CLIP2: variants seen among roughly 807,000 people sequenced by gnomAD.
The protein encoded by CLIP2 is CAP-Gly domain-containing linker protein 2.
Under a neutral mutation model 111.7 loss-of-function variants are expected in CLIP2, and 41 were observed. The ratio of observed to expected loss-of-function variants is 0.37; its 90% confidence interval spans 0.29 to 0.48. CLIP2 has a LOEUF of 0.48. CLIP2 is among the 20% of genes least tolerant of loss of function. The pLI, the probability that CLIP2 is intolerant of heterozygous loss-of-function variation, is 0.99. For synonymous variants in CLIP2, 660 were observed against 644.2 expected (o/e 1.02, Z -0.37); for missense variants, 1,160 against 1,422.1 (o/e 0.82, Z 2.96).
chr7:74,324,432 G>T (rs779122537), intron 2 of CLIP2, among the ~76,000 whole-genome samples: 5 of 152,236 alleles, frequency 3.3e-5, no homozygotes, highest in African/African-American at 2.4e-5. Flanking sequence ...CTGTAGTGTG[G>T]TGTGTGGCGT....
At chr7:74,356,358 T>C in intron 4 of CLIP2, 52 bp from the exon 5 acceptor site, 1 of 1,495,120 alleles carries the variant, frequency 6.7e-7, no homozygotes, top group Non-Finnish European at 9.3e-7. Context: ...CAGGGGAGGC[T>C]CTCCAGGCTT....
At chr7:74,328,586 A>T (rs1401406913) in intron 2 of CLIP2, among the ~76,000 whole-genome samples, 1 of 152,020 alleles carries the variant, frequency 6.6e-6, no homozygotes, top group Non-Finnish European at 1.5e-5. Flanking sequence ...AGAGAGACAC[A>T]GTGGGCCCCT....
chr7:74,351,517 G>A (rs1554307566), intron 3 of CLIP2, among the ~76,000 whole-genome samples: 1 of 151,320 alleles, frequency 6.6e-6, no homozygotes, highest in Admixed American at 6.6e-5. Context: ...TTAGAAAGCT[G>A]TGGGAAGATG....
At chr7:74,342,884 A>C (rs1335588008) in intron 3 of CLIP2, among the ~76,000 whole-genome samples, 1 of 151,904 alleles carries the variant, frequency 6.6e-6, no homozygotes, top group Non-Finnish European at 1.5e-5. Context: ...AAATACAAAA[A>C]ATTAGCCGGG....
At position 74,338,431 on chromosome 7, in the gene CLIP2, C is replaced by G; in HGVS notation, c.122-17C>G. On this transcript the variant is annotated splice_polypyrimidine_tract_variant and intron_variant, in intron 2 of 16. Transcript: ENST00000223398. This position sits in a 1 kb window ranked among gnomAD's most constrained non-coding sequence, Gnocchi z 4.3. The stretch of plus-strand genomic sequence containing the variant: ...CCTAACAGCCACCTCTTTCCCTTTC[C>G]CTCTCCTTCTCTGCAGGCTCCCCAC... The G allele has an allele frequency of 6.2e-7, 1 of 1,610,312 alleles. No individual in the cohort carries two copies. The highest frequency in any genetic ancestry group is 8.5e-7 in the Non-Finnish European group (1 of 1,178,988).
At chr7:74,399,542 T>TTTG (rs1491240525) in intron 14 of CLIP2, among the ~76,000 whole-genome samples, 4 of 44,548 alleles carry the variant, frequency 9.0e-5, no homozygotes, top group African/African-American at 2.6e-4. Flanking sequence ...AGTCTTTTTT[T>TTTG]GGGGGGGGGG....
chr7:74,346,513 A>G (rs1485207637), intron 3 of CLIP2, among the ~76,000 whole-genome samples: 2 of 151,814 alleles, frequency 1.3e-5, no homozygotes, highest in African/African-American at 4.8e-5. Flanking sequence ...ACTTGAGGCC[A>G]GGAGTTCAAG....
intron 1 of CLIP2, among the ~76,000 whole-genome samples, chr7:74,292,300 A>T (rs1220554334): frequency 6.6e-6 from 1 of 152,022 alleles, no homozygotes; most frequent in African/African-American, 2.4e-5. Context: ...TGACCCTCAG[A>T]TTCCCTGCTC....
chr7:74,323,447 A>C (rs1287570843), intron 2 of CLIP2, among the ~76,000 whole-genome samples: 2 of 142,070 alleles, frequency 1.4e-5, no homozygotes, highest in African/African-American at 5.3e-5. Flanking sequence ...TTCTTTTTTG[A>C]GATAGAGTTT....
At chr7:74,394,928 T>C (rs1448026628) in intron 13 of CLIP2, among the ~76,000 whole-genome samples, 4 of 152,194 alleles carry the variant, frequency 2.6e-5, no homozygotes, top group African/African-American at 9.6e-5. Context: ...CTTTCTGCCC[T>C]GTCTCAGCCA....
At chr7:74,375,485 A>G (rs1380260198) in intron 9 of CLIP2, among the ~76,000 whole-genome samples, 2 of 134,190 alleles carry the variant, frequency 1.5e-5, no homozygotes, top group Non-Finnish European at 3.1e-5. Flanking sequence ...CCTGGGAAGT[A>G]GAGGTTGCAG....
At chr7:74,384,737 C>T (rs1490397209) in intron 11 of CLIP2, among the ~76,000 whole-genome samples, 4 of 151,954 alleles carry the variant, frequency 2.6e-5, no homozygotes, top group African/African-American at 7.2e-5. Context: ...TGAGCCACCG[C>T]GCCTGGCCTC....
intron 13 of CLIP2, among the ~76,000 whole-genome samples, chr7:74,390,193 G>T (rs1791242457): frequency 1.0e-5 from 1 of 98,632 alleles, no homozygotes; most frequent in African/African-American, 3.7e-5. Context: ...AAGAAAGAAA[G>T]AAAGAAAGAA....
At chr7:74,311,571 G>A (rs1174635092) in intron 1 of CLIP2, among the ~76,000 whole-genome samples, 2 of 152,044 alleles carry the variant, frequency 1.3e-5, no homozygotes, top group Non-Finnish European at 2.9e-5. Context: ...TTTTTAATTG[G>A]GTTGTTGTCT....
intron 8 of CLIP2, chr7:74,364,994 TGTGTGTGTGTGTGTGTGTGTGTGTG>T: frequency 1.8e-4 from 1 of 5,620 alleles, no homozygotes; most frequent in African/African-American, 1.3e-3. Context: ...TGTTTTTTGT[TGTGTGTGTGTGTGTGTGTGTGTGTG>T]TGTGTGTGTG....
intron 1 of CLIP2, among the ~76,000 whole-genome samples, chr7:74,307,576 C>T (rs1208318750): frequency 3.9e-5 from 6 of 152,280 alleles, no homozygotes; most frequent in East Asian, 3.9e-4. Flanking sequence ...CCACAACCTC[C>T]GCCTCCTGGG....
At chr7:74,326,680 C>T (rs190357157) in intron 2 of CLIP2, among the ~76,000 whole-genome samples, 117 of 151,890 alleles carry the variant, frequency 7.7e-4, no homozygotes, top group African/African-American at 2.3e-3. Context: ...TCTTTCACCC[C>T]GGCTGGAGTA....
At chr7:74,372,063 C>A (rs1265525156) in intron 8 of CLIP2, among the ~76,000 whole-genome samples, 2 of 152,110 alleles carry the variant, frequency 1.3e-5, no homozygotes, top group Non-Finnish European at 2.9e-5. Flanking sequence ...CTAAGATGAA[C>A]TTGGGTCTCC....
chr7:74,334,266 C>T (rs1789384881), intron 2 of CLIP2, among the ~76,000 whole-genome samples: 1 of 152,142 alleles, frequency 6.6e-6, no homozygotes, highest in Non-Finnish European at 1.5e-5. Flanking sequence ...CGGGGGCAGC[C>T]GAGAGTCCCA....
Sources: gnomAD v4.1 joint callset for allele counts (sites outside exome capture counted in the v4.1 genomes callset) on GRCh38, gnomAD v4.1.1 for gene constraint, Gnocchi (gnomAD v3.1) non-coding constraint, MANE v1.5 for transcripts, NCBI Gene and HGNC (gene_info 2026-07-23, HGNC 2026-07-21) for gene names.